Variants in TIAM1 observed in about 807,000 individuals in gnomAD.
TIAM1 encodes TIAM Rac1 associated GEF 1.
A neutral mutation model predicts 163.5 loss-of-function variants in TIAM1; 65 were observed. That is an observed-to-expected ratio of 0.40 (90% CI 0.33 to 0.49). The LOEUF (loss-of-function observed/expected upper bound fraction) is 0.49. Ranked by LOEUF, TIAM1 falls within the 20% of genes least tolerant of loss-of-function variation. The pLI is 0.77. For missense variants in TIAM1, 1,789 were observed against 2,044.7 expected, an observed-to-expected ratio of 0.87 and a Z score of 2.41; for synonymous variants, 833 against 810.1, an observed-to-expected ratio of 1.03 and a Z score of -0.48.
At chr21:31,349,451 G>A (rs535214292) in intron 2 of TIAM1, among the ~76,000 whole-genome samples, 37 of 152,236 alleles carry the variant, frequency 2.4e-4, no homozygotes, top group Non-Finnish European at 4.4e-4. Context: ...TTGATTTCAA[G>A]GGCCCTGGGT....
chr21:31,467,491 C>T (rs1217278951), intron 1 of TIAM1, among the ~76,000 whole-genome samples: 1 of 151,338 alleles, frequency 6.6e-6, no homozygotes, highest in East Asian at 2.0e-4. Context: ...CTGGGCGTGG[C>T]GACACATGCC....
At chr21:31,460,564 T>C (rs1416219715) in intron 2 of TIAM1, among the ~76,000 whole-genome samples, 1 of 152,204 alleles carries the variant, frequency 6.6e-6, no homozygotes, top group Non-Finnish European at 1.5e-5. Flanking sequence ...AGGCAGAGGT[T>C]GCAGTGAGCC....
chr21:31,424,967 C>A (rs566798320), intron 2 of TIAM1, among the ~76,000 whole-genome samples: 4 of 151,702 alleles, frequency 2.6e-5, no homozygotes, highest in Admixed American at 6.6e-5. Flanking sequence ...GCAGGAGAAT[C>A]GCTTGAACTG....
At chr21:31,318,848 G>A (rs7281523) in intron 2 of TIAM1, among the ~76,000 whole-genome samples, 36,923 of 151,968 alleles carry the variant, frequency 0.24, 5,053 homozygotes, top group East Asian at 0.44. Context: ...GATGCCCTTC[G>A]AGTTGGTGGT....
chr21:31,237,304 CT>C (rs946655274), intron 6 of TIAM1, among the ~76,000 whole-genome samples: 1 of 152,208 alleles, frequency 6.6e-6, no homozygotes, highest in African/African-American at 2.4e-5. Context: ...CCTAACCTGG[CT>C]GCCCTTGTCC....
intron 2 of TIAM1, among the ~76,000 whole-genome samples, chr21:31,384,959 C>G (rs1376457838): frequency 6.6e-6 from 1 of 152,192 alleles, no homozygotes; most frequent in African/African-American, 2.4e-5. Context: ...GATTTGAATG[C>G]TGTCCCCTCT....
intron 1 of TIAM1, among the ~76,000 whole-genome samples, chr21:31,498,417 T>A (rs986890076): frequency 1.3e-5 from 2 of 150,918 alleles, no homozygotes; most frequent in Non-Finnish European, 3.0e-5. Flanking sequence ...TTTCCAATTG[T>A]CAGAACACCA....
intron 1 of TIAM1, among the ~76,000 whole-genome samples, chr21:31,464,845 G>GAA (rs35141475): frequency 6.0e-5 from 6 of 100,378 alleles, no homozygotes; most frequent in Middle Eastern, 6.7e-3. Context: ...TCCGTCTCGG[G>GAA]AAAAAAAAAA....
intron 1 of TIAM1, among the ~76,000 whole-genome samples, chr21:31,556,840 G>A (rs1021760627): frequency 2.0e-5 from 3 of 152,110 alleles, no homozygotes; most frequent in Non-Finnish European, 4.4e-5. Context: ...CCACGCAAAG[G>A]CATCCACCCT....
intron 17 of TIAM1, 88 bp downstream of exon 17, chr21:31,154,159 A>G: frequency 7.1e-7 from 1 of 1,402,992 alleles, no homozygotes; most frequent in Non-Finnish European, 9.7e-7. Context: ...ACACAGTTTA[A>G]ATCAGCTGTT....
chr21:31,470,765 C>T (rs868462365), intron 1 of TIAM1, among the ~76,000 whole-genome samples: 11 of 152,172 alleles, frequency 7.2e-5, no homozygotes, highest in African/African-American at 2.4e-4. Context: ...ACAATGCTGC[C>T]GGGAAAACCA....
At chr21:31,225,483 G>T (rs796603559) in intron 7 of TIAM1, among the ~76,000 whole-genome samples, 1 of 152,026 alleles carries the variant, frequency 6.6e-6, no homozygotes, top group Non-Finnish European at 1.5e-5. Flanking sequence ...GGGGGCCAGG[G>T]CTCCTCTACT....
At chr21:31,159,916 C>G (rs1056454919) in intron 16 of TIAM1, among the ~76,000 whole-genome samples, 5 of 152,164 alleles carry the variant, frequency 3.3e-5, no homozygotes, top group African/African-American at 1.2e-4. Context: ...AGTAACACGT[C>G]CCCTGAGCCA....
chr21:31,210,757 A>AGG (rs1555891306), intron 10 of TIAM1, among the ~76,000 whole-genome samples: 1 of 99,928 alleles, frequency 1.0e-5, no homozygotes, highest in African/African-American at 4.4e-5. Context: ...GGAGAAAGAA[A>AGG]GAAAGAAAGA....
intron 1 of TIAM1, among the ~76,000 whole-genome samples, chr21:31,472,152 T>C (rs1011449379): frequency 2.6e-5 from 4 of 152,204 alleles, no homozygotes; most frequent in African/African-American, 9.6e-5. Flanking sequence ...TGACTTAGTT[T>C]CCTCATCCAT....
At chr21:31,273,680 T>C (rs2073167209) in intron 3 of TIAM1, among the ~76,000 whole-genome samples, 1 of 152,172 alleles carries the variant, frequency 6.6e-6, no homozygotes, top group South Asian at 2.1e-4. Context: ...CACAACATAA[T>C]ATTCAAAATG....
intron 12 of TIAM1, among the ~76,000 whole-genome samples, chr21:31,201,626 A>G (rs2086204602): frequency 6.6e-6 from 1 of 152,216 alleles, no homozygotes; most frequent in Non-Finnish European, 1.5e-5. Context: ...GACTAAAAAC[A>G]CAATTTCCTA....
At chr21:31,527,605 C>T (rs1202484253) in intron 1 of TIAM1, among the ~76,000 whole-genome samples, 1 of 152,050 alleles carries the variant, frequency 6.6e-6, no homozygotes, top group East Asian at 1.9e-4. Context: ...CAGTTTTAAC[C>T]ATTTTCTTCT....
chr21:31,558,703 T>A (rs187347384), intron 1 of TIAM1, among the ~76,000 whole-genome samples: 6 of 152,180 alleles, frequency 3.9e-5, no homozygotes, highest in Non-Finnish European at 8.8e-5. Flanking sequence ...TGCCTCCTCC[T>A]GCCTCTCCTC....
Sources: gnomAD v4.1 joint callset for allele counts (sites outside exome capture counted in the v4.1 genomes callset) on GRCh38, gnomAD v4.1.1 for gene constraint, MANE v1.5 for transcripts, NCBI Gene and HGNC (gene_info 2026-07-23, HGNC 2026-07-21) for gene names.